NUP50: variants seen among roughly 807,000 people sequenced by gnomAD.
The protein encoded by NUP50 is nucleoporin 50.
Under a neutral mutation model 36.8 loss-of-function variants are expected in NUP50, and 14 were observed. The observed-to-expected ratio is 0.38, with a 90% CI of 0.25 to 0.59. The LOEUF (loss-of-function observed/expected upper bound fraction) is 0.59. Among genes scored for constraint, NUP50 ranks in the 20% least tolerant of loss-of-function variants. The pLI is 0.63. For synonymous variants in NUP50, 195 were observed against 210.8 expected, an observed-to-expected ratio of 0.93 and a Z score of 0.65; for missense variants, 455 against 564.6, an observed-to-expected ratio of 0.81 and a Z score of 1.97.
intron 3 of NUP50, chr22:45,172,001 C>A (rs192857858): frequency 4.3e-4 from 122 of 282,582 alleles, no homozygotes; most frequent in Non-Finnish European, 7.4e-4. Flanking sequence ...CAAGGATCTT[C>A]TGAGAGTCTT....
In NUP50 at chr22:45,186,617, C is replaced by T. The variant is rs1416849470; in HGVS notation, c.*1962C>T. ...CATGAAAAGATCATGATTGGATTTT[C>T]TTTTAAACCTGCCCTTCTGTAAAAA... On this transcript the variant is annotated 3_prime_UTR_variant, in exon 8 of 8. Coordinates refer to ENST00000347635, the MANE Select transcript of NUP50 (RefSeq NM_007172.4). The T allele has an allele frequency of 3.3e-5, 5 of 152,572 alleles. No individual in the cohort carries two copies. Among genetic ancestry groups the T allele is most frequent in the Admixed American group, 3.3e-4 (5 of 15,276 alleles). 9.5% of individuals were successfully genotyped at this position (152,572 alleles called of 1,614,324 possible).
chr22:45,165,586 C>T (rs534081492), intron 1 of NUP50, among the ~76,000 whole-genome samples: 46 of 152,216 alleles, frequency 3.0e-4, no homozygotes, highest in African/African-American at 1.1e-3. Flanking sequence ...TTTCTCCCCC[C>T]CACTTCTAGC....
chr22:45,187,165 CCTTTT>C lies in NUP50; in HGVS notation c.*2511_*2515del, dbSNP rs1398980286. On this transcript the variant is annotated 3_prime_UTR_variant, in exon 8 of 8. Coordinates refer to ENST00000347635, the MANE Select transcript of NUP50 (RefSeq NM_007172.4). Reference sequence around the variant, plus strand: ...GGACAAATACTAAATATCCCAGTGGCCTTTTTTTTTTTTTTTTTAAAACCTGTGTA... The same window carrying C: ...GGACAAATACTAAATATCCCAGTGGCTTTTTTTTTTTTTAAAACCTGTGTA... 9.5e-6 allele frequency: 1 copy of C among 105,096 alleles called. No homozygotes were observed. Among genetic ancestry groups the C allele is most frequent in the Non-Finnish European group, 1.9e-5 (1 of 52,182 alleles). The allele number at this position is 105,096 out of a possible 1,614,324, so 6.5% of individuals were successfully genotyped here.
At chr22:45,171,457 T>C (rs764798811) in intron 2 of NUP50, 143 bp from the exon 3 acceptor site, 60 of 742,006 alleles carry the variant, frequency 8.1e-5, no homozygotes, top group Non-Finnish European at 1.2e-4. Flanking sequence ...GCTAGTATTA[T>C]AGGCGCAAGC....
chr22:45,171,521 C>G (rs2074193988), intron 2 of NUP50, 79 bp from the exon 3 acceptor site: 1 of 1,318,626 alleles, frequency 7.6e-7, no homozygotes, highest in Non-Finnish European at 1.1e-6. Context: ...TGGCTCAGTT[C>G]TAGCTTGTTG....
intron 2 of NUP50, chr22:45,170,942 T>C: frequency 1.7e-5 from 22 of 1,288,164 alleles, no homozygotes; most frequent in Non-Finnish European, 2.2e-5. Context: ...GAAACAACTA[T>C]AGGTGAGAAT....
At chr22:45,181,491 TCAAG>T (rs372438307) in intron 6 of NUP50, 124 bp downstream of exon 6, 294,652 of 604,182 alleles carry the variant, frequency 0.49, 75,343 homozygotes, top group Middle Eastern at 0.56. Context: ...TTGCCTGCTC[TCAAG>T]TGGAACAGGA....
rs2074442851 is a variant in NUP50 at position 45,184,726 on chromosome 22, T to G, written c.*71T>G. The G allele has an allele frequency of 8.9e-7, 1 of 1,126,474 alleles. No individual in the cohort carries two copies. Among genetic ancestry groups the G allele is most frequent in the African/African-American group, 1.5e-5 (1 of 65,112 alleles). The allele number at this position is 1,126,474 out of a possible 1,614,324, so 69.8% of individuals were successfully genotyped here. A position where few individuals can be genotyped will look rare whatever the true frequency, so the allele number is the denominator to read the frequency against. The stretch of plus-strand genomic sequence containing the variant: ...CCACCGCCCCTTAAAGTTAGTCAGT[T>G]TTTCTTCTCTTCTTTGACATTCTAA... On this transcript the variant is annotated 3_prime_UTR_variant, in exon 8 of 8. Transcript: ENST00000347635.
chr22:45,182,291 A>G (rs2074385235), intron 6 of NUP50, among the ~76,000 whole-genome samples: 1 of 152,098 alleles, frequency 6.6e-6, no homozygotes, highest in Non-Finnish European at 1.5e-5. Flanking sequence ...AAATATGAAA[A>G]TTAGCCTAAT....
Position 45,187,839 on chromosome 22 carries a change from A to G in NUP50, c.*3184A>G, listed in dbSNP as rs1195052586. On this transcript the variant is annotated 3_prime_UTR_variant, in exon 8 of 8. Coordinates refer to ENST00000347635, the MANE Select transcript of NUP50 (RefSeq NM_007172.4). ...TTGTAATGGAGATGTAAAACTTCTT[A>G]GCAATCAGATGGATAAATTGTTTGC... 2.0e-5 allele frequency: 3 copies of G among 152,684 alleles called. No homozygotes were observed. Among genetic ancestry groups the G allele is most frequent in the Admixed American group, 6.5e-5 (1 of 15,288 alleles). 9.5% of individuals were successfully genotyped at this position (152,684 alleles called of 1,614,324 possible).
intron 5 of NUP50, among the ~76,000 whole-genome samples, chr22:45,180,042 C>T (rs2074341494): frequency 6.6e-6 from 1 of 152,218 alleles, no homozygotes; most frequent in Non-Finnish European, 1.5e-5. Context: ...TCCTCAGGCA[C>T]GGGCCCTCTG....
chr22:45,164,701 C>T (rs1043937995), intron 1 of NUP50: 3 of 152,220 alleles, frequency 2.0e-5, no homozygotes, highest in East Asian at 1.9e-4. Context: ...GGGGCCCGGG[C>T]CCCACCGGGC....
rs1305996843 is a variant in NUP50, at chr22:45,185,850, T to C, written c.*1195T>C. 2 of 82,802 alleles carry C rather than the reference T, an allele frequency of 2.4e-5. No individual in the cohort carries two copies. The highest frequency in any genetic ancestry group is 4.5e-5 in the Non-Finnish European group (2 of 44,672). The allele number at this position is 82,802 out of a possible 1,614,324, so 5.1% of individuals were successfully genotyped here. Reference sequence around the variant, plus strand: ...CACATGAATGATACACAGAATTGAATGTTTAAATTTCCACTGAGTCCTCAT... The same window carrying C: ...CACATGAATGATACACAGAATTGAACGTTTAAATTTCCACTGAGTCCTCAT... On this transcript the variant is annotated 3_prime_UTR_variant, in exon 8 of 8. Coordinates refer to ENST00000347635, the MANE Select transcript of NUP50 (RefSeq NM_007172.4).
At chr22:45,174,749 A>G (rs941330552) in intron 3 of NUP50, among the ~76,000 whole-genome samples, 3 of 152,354 alleles carry the variant, frequency 2.0e-5, no homozygotes, top group African/African-American at 7.2e-5. Flanking sequence ...AATCAAATGT[A>G]GAGCAACAGA....
chr22:45,182,774 G>A (rs1335535436), intron 6 of NUP50, among the ~76,000 whole-genome samples: 3 of 151,498 alleles, frequency 2.0e-5, no homozygotes, highest in Admixed American at 6.6e-5. Context: ...ACAGGTGCCC[G>A]CCACCACGCT....
intron 2 of NUP50, among the ~76,000 whole-genome samples, chr22:45,170,331 C>T (rs190551219): frequency 2.8e-5 from 4 of 143,700 alleles, no homozygotes; most frequent in South Asian, 2.2e-4. Context: ...TTTCCCCCTT[C>T]GAGGAGAACA....
At chr22:45,176,153 C>A in intron 4 of NUP50, 73 bp downstream of exon 4, 1 of 1,478,834 alleles carries the variant, frequency 6.8e-7, no homozygotes, top group South Asian at 1.3e-5. Flanking sequence ...AGATGTTTTT[C>A]TTATAGCTAC....
At position 45,185,301 on chromosome 22, in the gene NUP50, G is replaced by A. The variant is rs2074452688; in HGVS notation, c.*646G>A. On this transcript the variant is annotated 3_prime_UTR_variant, in exon 8 of 8. Transcript: ENST00000347635. The stretch of plus-strand genomic sequence containing the variant: ...CATTCTAAAAAGAAATGAACAGCTT[G>A]TGAAGGAGTTTTTTGGCTTCATAGT... 1 of 153,004 alleles carries A rather than the reference G, an allele frequency of 6.5e-6. No individual in the cohort carries two copies. Among genetic ancestry groups the A allele is most frequent in the South Asian group, 2.1e-4 (1 of 4,860 alleles). 9.5% of individuals were successfully genotyped at this position (153,004 alleles called of 1,614,324 possible).
intron 6 of NUP50, 57 bp from the exon 7 acceptor site, chr22:45,183,345 C>A: frequency 2.0e-6 from 2 of 992,306 alleles, no homozygotes; most frequent in Non-Finnish European, 3.2e-6. Context: ...TGTTAGAAAA[C>A]TGTGTGACTT....
Sources: gnomAD v4.1 joint callset for allele counts (sites outside exome capture counted in the v4.1 genomes callset) on GRCh38, gnomAD v4.1.1 for gene constraint, MANE v1.5 for transcripts, NCBI Gene and HGNC (gene_info 2026-07-23, HGNC 2026-07-21) for gene names.